RAPGEF2: variants seen among roughly 807,000 people sequenced by gnomAD.
RAPGEF2 encodes the protein Rap guanine nucleotide exchange factor 2.
Under a neutral mutation model 186.7 loss-of-function variants are expected in RAPGEF2, and 54 were observed. The observed-to-expected ratio is 0.29, with a 90% CI of 0.23 to 0.36. RAPGEF2 has a LOEUF of 0.36. Among genes scored for constraint, RAPGEF2 ranks in the 10% least tolerant of loss-of-function variants. The probability of loss-of-function intolerance (pLI) is 1.00; values close to 1 mark genes in which losing one functional copy is unlikely to be tolerated. For missense variants in RAPGEF2, 1,532 were observed against 2,045.0 expected (o/e 0.75, Z 4.84); for synonymous variants, 712 against 705.9 (o/e 1.01, Z -0.14).
chr4:159,332,635 G>A lies in RAPGEF2; in HGVS notation c.2073G>A (p.Arg691=), dbSNP rs149086317. 4 of 1,614,022 alleles carry A rather than the reference G, an allele frequency of 2.5e-6. No individual in the cohort carries two copies. The South Asian group carries it at 4.4e-5, about 18-fold the overall frequency. The change falls in exon 17 of 30, where the codon AGG becomes AGA. Residue 691 remains arginine, a synonymous_variant. Transcript: ENST00000691494. ...KKSKANTVGG[R]NKLKKILDKT... ...GTAAAGCCAACACTGTGGGAGGAAG[G>A]AACAAGCTGAAAAAGATACTCGACA...
chr4:159,171,662 A>G (rs1242397337), intron 1 of RAPGEF2, among the ~76,000 whole-genome samples: 1 of 148,666 alleles, frequency 6.7e-6, no homozygotes, highest in South Asian at 2.1e-4. Context: ...GATATCTTTC[A>G]TGTAAAAGGA....
Position 159,111,310 on chromosome 4 carries a change from G to C in RAPGEF2, c.69+7079G>C, listed in dbSNP as rs1738468024. ...GTGACTTGAAGAGGAACTTTGTTTT[G>C]TCATTGGAACTAAACTTGTCTTCCG... is the stretch of plus-strand genomic sequence containing the variant. On this transcript the variant is annotated intron_variant, in intron 1 of 29. Coordinates refer to ENST00000691494, the MANE Select transcript of RAPGEF2 (RefSeq NM_001394067.2). Among the ~76,000 whole-genome samples, 3 of 152,168 alleles carry C rather than the reference G, an allele frequency of 2.0e-5. No individual in the cohort carries two copies. In the South Asian group the frequency reaches 6.2e-4, roughly 31 times the overall value.
Position 159,285,199 on chromosome 4 carries a change from G to A in RAPGEF2, c.544-19143G>A, listed in dbSNP as rs553977385. Among the ~76,000 whole-genome samples the A allele has an allele frequency of 3.3e-5, 5 of 152,232 alleles. No individual in the cohort carries two copies. In the South Asian group the frequency reaches 1.0e-3, roughly 32 times the overall value. On this transcript the variant is annotated intron_variant, in intron 7 of 29. Coordinates refer to ENST00000691494, the MANE Select transcript of RAPGEF2 (RefSeq NM_001394067.2). Reference sequence around the variant, plus strand: ...AGGTATGTATATATCTAGTTTACATGAAGCTATCTAGTTTATAAGCACCAG... The same window carrying A: ...AGGTATGTATATATCTAGTTTACATAAAGCTATCTAGTTTATAAGCACCAG...
chr4:159,256,602 A>C (rs1367007162), intron 7 of RAPGEF2, among the ~76,000 whole-genome samples: 1 of 152,192 alleles, frequency 6.6e-6, no homozygotes, highest in East Asian at 1.9e-4. Flanking sequence ...TTCTGCCTCT[A>C]GGTCTTTGAA....
At chr4:159,278,930 C>T (rs182386359) in intron 7 of RAPGEF2, among the ~76,000 whole-genome samples, 1 of 152,168 alleles carries the variant, frequency 6.6e-6, no homozygotes, top group African/African-American at 2.4e-5. Context: ...ACCTGTTACA[C>T]ACGTGAGGCA....
At chr4:159,194,920 C>T (rs1748476984) in intron 3 of RAPGEF2, among the ~76,000 whole-genome samples, 1 of 151,958 alleles carries the variant, frequency 6.6e-6, no homozygotes, top group Admixed American at 6.6e-5. Flanking sequence ...ACAAAGAGAT[C>T]AGTAAGGAGA....
At chr4:159,181,055 C>T (rs1746958538) in intron 1 of RAPGEF2, among the ~76,000 whole-genome samples, 1 of 152,308 alleles carries the variant, frequency 6.6e-6, no homozygotes, top group Non-Finnish European at 1.5e-5. Flanking sequence ...TACTAACACA[C>T]ATAATGTGTA....
intron 1 of RAPGEF2, among the ~76,000 whole-genome samples, chr4:159,110,435 A>G (rs1738370256): frequency 6.6e-6 from 1 of 152,088 alleles, no homozygotes; most frequent in Non-Finnish European, 1.5e-5. Flanking sequence ...TAAAAATACA[A>G]AAAATTAGCC....
chr4:159,198,707 A>G (rs1749078756), intron 3 of RAPGEF2, among the ~76,000 whole-genome samples: 1 of 151,740 alleles, frequency 6.6e-6, no homozygotes, highest in Non-Finnish European at 1.5e-5. Flanking sequence ...TGGCCTCCCA[A>G]AGTGCTGGGA....
chr4:159,218,386 A>G (rs1751184138), intron 4 of RAPGEF2, among the ~76,000 whole-genome samples: 1 of 152,242 alleles, frequency 6.6e-6, no homozygotes, highest in African/African-American at 2.4e-5. Flanking sequence ...ACCGTGGGAA[A>G]ATATCACTAA....
chr4:159,316,240 A>G lies in RAPGEF2; in HGVS notation c.853+1472A>G, dbSNP rs570012602. On this transcript the variant is annotated intron_variant, in intron 9 of 29. Transcript: ENST00000691494. ...GCCTGGTTTTTCCTAGGTTATGATTATAGAACGAGGATTATTATAATATTG... is the reference window on the plus strand; with the variant it reads ...GCCTGGTTTTTCCTAGGTTATGATTGTAGAACGAGGATTATTATAATATTG... Among the ~76,000 whole-genome samples the G allele has an allele frequency of 7.2e-5, 11 of 152,328 alleles. No individual in the cohort carries two copies. In the South Asian group the frequency reaches 2.3e-3, roughly 32 times the overall value.
intron 5 of RAPGEF2, among the ~76,000 whole-genome samples, chr4:159,240,821 T>G (rs1300910855): frequency 1.3e-5 from 2 of 150,726 alleles, no homozygotes; most frequent in East Asian, 3.9e-4. Flanking sequence ...TTTTTTTTTT[T>G]TTTTTCTTTT....
intron 4 of RAPGEF2, among the ~76,000 whole-genome samples, chr4:159,237,842 T>TA (rs58593781): frequency 0.022 from 1,441 of 66,848 alleles, 94 homozygotes; most frequent in African/African-American, 0.054. Context: ...CTACAAAAAT[T>TA]AAAAAAAAAA....
intron 7 of RAPGEF2, among the ~76,000 whole-genome samples, chr4:159,269,648 T>C (rs1489556314): frequency 6.6e-6 from 1 of 152,166 alleles, no homozygotes; most frequent in Admixed American, 6.5e-5. Context: ...TCATATGTCT[T>C]TTCTTAAAGT....
At chr4:159,290,522 C>G (rs1761061369) in intron 7 of RAPGEF2, among the ~76,000 whole-genome samples, 2 of 152,020 alleles carry the variant, frequency 1.3e-5, no homozygotes, top group Admixed American at 6.6e-5. Context: ...GAAGGTAAAC[C>G]ACAGCTTAAT....
chr4:159,158,330 T>TG (rs1426063613), intron 1 of RAPGEF2, among the ~76,000 whole-genome samples: 1 of 152,196 alleles, frequency 6.6e-6, no homozygotes, highest in Non-Finnish European at 1.5e-5. Context: ...AGATTGTAGT[T>TG]GAACAAAAAG....
chr4:159,327,459 C>G (rs934607778), intron 11 of RAPGEF2: 2 of 152,132 alleles, frequency 1.3e-5, no homozygotes, highest in Admixed American at 1.3e-4. Flanking sequence ...GTCAGGAGTT[C>G]GAGACCAGCC....
At chr4:159,209,410 G>A (rs975873658) in intron 3 of RAPGEF2, among the ~76,000 whole-genome samples, 1 of 152,244 alleles carries the variant, frequency 6.6e-6, no homozygotes, top group Admixed American at 6.5e-5. Context: ...TTGCGAGGCA[G>A]TGGCAGCCCA....
chr4:159,218,919 G>T lies in RAPGEF2; in HGVS notation c.281+8336G>T, dbSNP rs547412560. 2.2e-3 allele frequency among the ~76,000 whole-genome samples: 340 copies of T among 152,232 alleles called. 3 individuals are homozygous for T. Among genetic ancestry groups the T allele is most frequent in the Non-Finnish European group, 4.0e-3 (275 of 68,008 alleles). On this transcript the variant is annotated intron_variant, in intron 4 of 29. Transcript: ENST00000691494. ...TGCAACTCATTATCATGTTATTTTT[G>T]CAGAAGCAGGTGATTGGGCCCTCTA...
Sources: gnomAD v4.1 joint callset for allele counts (sites outside exome capture counted in the v4.1 genomes callset) on GRCh38, gnomAD v4.1.1 for gene constraint, MANE v1.5 for transcripts, NCBI Gene and HGNC (gene_info 2026-07-23, HGNC 2026-07-21) for gene names.